The following THBS2 variants were observed in gnomAD, a reference collection of about 807,000 sequenced individuals.
THBS2 encodes thrombospondin-2.
A neutral mutation model predicts 135.2 loss-of-function variants in THBS2; 47 were observed. That is an observed-to-expected ratio of 0.35 (90% CI 0.28 to 0.44). The LOEUF is 0.44. Among genes scored for constraint, THBS2 ranks in the 20% least tolerant of loss-of-function variants. THBS2 has a pLI of 1.00. For synonymous variants in THBS2, 639 were observed against 633.8 expected (o/e 1.01, Z -0.12); for missense variants, 1,288 against 1,603.1 (o/e 0.80, Z 3.36).
chr6:169,248,917 G>A lies in THBS2; in HGVS notation c.109C>T (p.Arg37Cys), dbSNP rs1780660444. 3.1e-6 allele frequency: 5 copies of A among 1,613,592 alleles called. No individual in the cohort carries two copies. Among genetic ancestry groups the A allele is most frequent in the African/African-American group, 1.3e-5 (1 of 74,886 alleles). ...FDLFSISNIN[R>C]KTIGAKQFRG... is the part of the protein sequence containing the mutation. Reference sequence around the variant, plus strand: ...AACTGCTTGGCGCCAATGGTCTTGCGGTTGATGTTGCTGATACTGAAAAGG... The same window carrying A: ...AACTGCTTGGCGCCAATGGTCTTGCAGTTGATGTTGCTGATACTGAAAAGG... The change falls in exon 3 of 22, where the codon CGC becomes TGC. Residue 37 changes from arginine (R) to cysteine (C), a missense_variant. Physicochemically the swap from Arg to Cys is radical, Grantham distance 180 (BLOSUM62 -3). Transcript: ENST00000617924.
Position 169,215,898 on chromosome 6 carries a change from T to G in THBS2, c.*1924A>C, listed in dbSNP as rs974622546. 63 of 152,582 alleles carry G rather than the reference T, an allele frequency of 4.1e-4. No individual in the cohort carries two copies. The highest frequency in any genetic ancestry group is 1.5e-3 in the African/African-American group (62 of 41,448). 9.5% of individuals were successfully genotyped at this position (152,582 alleles called of 1,614,324 possible). A position where few individuals can be genotyped will look rare whatever the true frequency, so the allele number is the denominator to read the frequency against. ...TTGACCATGTGAACACATAAATAAATATTTACAGTCTTTGGCAAAACACAT... is the reference window on the plus strand; with the variant it reads ...TTGACCATGTGAACACATAAATAAAGATTTACAGTCTTTGGCAAAACACAT... On this transcript the variant is annotated 3_prime_UTR_variant, in exon 22 of 22. Coordinates refer to ENST00000617924, the MANE Select transcript of THBS2 (RefSeq NM_003247.5).
rs766329088 is a variant in THBS2, at chr6:169,248,658, G to A, written c.368C>T (p.Thr123Met). The A allele has an allele frequency of 1.4e-5, 22 of 1,613,886 alleles. No individual in the cohort carries two copies. Among genetic ancestry groups the A allele is most frequent in the Non-Finnish European group, 1.4e-5 (16 of 1,180,002 alleles). Reference protein sequence around the residue: ...FEIVSNGPADTLDLTYWIDGT... With the variant: ...FEIVSNGPADMLDLTYWIDGT... ...GTCAATCCAGTAGGTGAGATCCAGC[G>A]TGTCCGCGGGGCCGTTGGAGACGAT... Residue 123 changes from threonine to methionine, a missense_variant, in exon 3 of 22, where the codon ACG becomes ATG. Physicochemically the swap from Thr to Met is moderately conservative, Grantham distance 81. Transcript: ENST00000617924.
At chr6:169,242,711 T>C (rs2115021049) in intron 4 of THBS2, among the ~76,000 whole-genome samples, 1 of 30,984 alleles carries the variant, frequency 3.2e-5, no homozygotes, top group Non-Finnish European at 6.0e-5. Context: ...TTCCCACCAC[T>C]CCCACCTTCC....
At chr6:169,219,157 G>C (rs1218651467) in intron 21 of THBS2, among the ~76,000 whole-genome samples, 1 of 147,206 alleles carries the variant, frequency 6.8e-6, no homozygotes, top group African/African-American at 2.6e-5. Context: ...GGATAGATGA[G>C]TGAGTGGGGG....
chr6:169,237,528 C>A (rs1029427171), intron 8 of THBS2, 97 bp downstream of exon 8: 8 of 1,564,630 alleles, frequency 5.1e-6, no homozygotes, highest in Non-Finnish European at 7.0e-6. Context: ...CCCAGCACCT[C>A]GTGAGGGCAG....
chr6:169,233,169 AGGC>A, intron 10 of THBS2, 152 bp from the exon 11 acceptor site: 2 of 1,220,760 alleles, frequency 1.6e-6, no homozygotes, highest in Non-Finnish European at 2.2e-6. Flanking sequence ...GATCATCAAG[AGGC>A]ATCATCTCCA....
rs767749131 is a variant in THBS2, at chr6:169,223,228, G to T, written c.3001+20C>A. Reference sequence around the variant, plus strand: ...CCCCCGGAGAAATGCTGGCACCACCGCCGTGTCTCAGAGACTCACCTACAG... The same window carrying T: ...CCCCCGGAGAAATGCTGGCACCACCTCCGTGTCTCAGAGACTCACCTACAG... On this transcript the variant is annotated intron_variant, in intron 18 of 21. Coordinates refer to ENST00000617924, the MANE Select transcript of THBS2 (RefSeq NM_003247.5). 1.9e-6 allele frequency: 3 copies of T among 1,601,456 alleles called. No homozygotes were observed. The highest frequency in any genetic ancestry group is 2.2e-5 in the South Asian group (2 of 90,502).
At chr6:169,239,751 T>C in intron 6 of THBS2, 56 bp from the exon 7 acceptor site, 1 of 1,375,560 alleles carries the variant, frequency 7.3e-7, no homozygotes, top group Non-Finnish European at 1.0e-6. Flanking sequence ...GGGACGCTGG[T>C]ACAAGGGCTG....
intron 7 of THBS2, 116 bp downstream of exon 7, chr6:169,239,483 G>T: frequency 1.1e-6 from 1 of 922,440 alleles, no homozygotes; most frequent in Non-Finnish European, 1.7e-6. Context: ...TCTCTCACCT[G>T]TACTCAGGGG....
chr6:169,235,566 C>T (rs1454723209), intron 9 of THBS2, among the ~76,000 whole-genome samples: 2 of 152,040 alleles, frequency 1.3e-5, no homozygotes, highest in Non-Finnish European at 2.9e-5. Context: ...CTCTGTAACT[C>T]ACACCCTAGT....
At position 169,221,075 on chromosome 6, in the gene THBS2, C is replaced by T. The variant is rs551588504; in HGVS notation, c.3371+355G>A. ...ACTTCATACAACCGTGTTTTAAATTCAGCCATTTATATCAGGTACAAATCT... is the reference window on the plus strand; with the variant it reads ...ACTTCATACAACCGTGTTTTAAATTTAGCCATTTATATCAGGTACAAATCT... On this transcript the variant is annotated intron_variant, in intron 20 of 21. Transcript: ENST00000617924. 9.7e-4 allele frequency among the ~76,000 whole-genome samples: 148 copies of T among 152,324 alleles called. 1 individual carries two copies. Among genetic ancestry groups the T allele is most frequent in the African/African-American group, 3.4e-3 (143 of 41,582 alleles).
At chr6:169,221,594 C>G in intron 19 of THBS2, 67 bp from the exon 20 acceptor site, 1 of 1,437,362 alleles carries the variant, frequency 7.0e-7, no homozygotes, top group East Asian at 2.3e-5. Flanking sequence ...CTCTGTAACA[C>G]CAAGCAGGAA....
chr6:169,221,407 C>T, intron 20 of THBS2, 23 bp downstream of exon 20: 1 of 1,608,210 alleles, frequency 6.2e-7, no homozygotes, highest in Non-Finnish European at 8.5e-7. Context: ...GGAAGAAATG[C>T]AGCTGTGCTG....
Position 169,229,689 on chromosome 6 carries a change from G to A in THBS2, c.2152-10C>T. The A allele has an allele frequency of 6.2e-7, 1 of 1,602,594 alleles. No homozygotes were observed. Among genetic ancestry groups the A allele is most frequent in the South Asian group, 1.1e-5 (1 of 90,760 alleles). On this transcript the variant is annotated splice_polypyrimidine_tract_variant and intron_variant, in intron 13 of 21. Transcript: ENST00000617924. ...GATGGGGGCAGTTATCCTGCAATTG[G>A]AGAAGGAAGAATACTTGGAAAAACA... is the stretch of plus-strand genomic sequence containing the variant.
chr6:169,223,502 A>G (rs751455725), intron 17 of THBS2, 27 bp from the exon 18 acceptor site: 1 of 1,599,548 alleles, frequency 6.3e-7, no homozygotes, highest in Admixed American at 1.7e-5. Flanking sequence ...AGCAAAAACA[A>G]AAACAAAAAC....
At chr6:169,236,242 T>TG (rs1780056584) in intron 9 of THBS2, among the ~76,000 whole-genome samples, 1 of 94,438 alleles carries the variant, frequency 1.1e-5, no homozygotes, top group Non-Finnish European at 2.0e-5. Context: ...CCACACTCAC[T>TG]CCCCATCCAC....
In THBS2 at chr6:169,250,866, C is replaced by T. The variant is rs567712791; in HGVS notation, c.-22-60G>A. 5.7e-5 allele frequency: 69 copies of T among 1,203,118 alleles called. No homozygotes were observed. In the South Asian group the frequency reaches 8.8e-4, roughly 15 times the overall value. 74.5% of individuals were successfully genotyped at this position (1,203,118 alleles called of 1,614,324 possible). On this transcript the variant is annotated intron_variant, in intron 1 of 21. Transcript: ENST00000617924. ...CCACAGCTGCAACCCTGCCTGTGAG[C>T]GAGACTGGCCCAGTGACTCACATGA...
chr6:169,233,706 G>A (rs11962331), intron 10 of THBS2, among the ~76,000 whole-genome samples: 20,562 of 138,376 alleles, frequency 0.15, 3,175 homozygotes, highest in African/African-American at 0.38. Flanking sequence ...TATGTGCCAC[G>A]TTCCAGACCA....
rs1283593486 is a variant in THBS2, at chr6:169,216,467, C to T, written c.*1355G>A. ...AACAAAAACAAACTTGTGCATATTA[C>T]ACATGACTGATTATTGGGTGTGCCT... is the stretch of plus-strand genomic sequence containing the variant. On this transcript the variant is annotated 3_prime_UTR_variant, in exon 22 of 22. Transcript: ENST00000617924. The T allele has an allele frequency of 6.6e-6, 1 of 151,874 alleles. No homozygotes were observed. The highest frequency in any genetic ancestry group is 1.5e-5 in the Non-Finnish European group (1 of 68,024). 9.4% of individuals were successfully genotyped at this position (151,874 alleles called of 1,614,324 possible).
Sources: allele counts gnomAD v4.1 joint callset (sites outside exome capture counted in the v4.1 genomes callset), GRCh38; gene constraint gnomAD v4.1.1; transcripts MANE v1.5; gene names NCBI Gene and HGNC (gene_info 2026-07-23, HGNC 2026-07-21).